The following GLI3 variants were observed in gnomAD, a reference collection of about 807,000 sequenced individuals.
GLI3 encodes the protein transcription activator GLI3.
In GLI3, 20 loss-of-function variants were observed where a neutral mutation model predicts 100.8. The observed-to-expected ratio is 0.20, with a 90% CI of 0.14 to 0.29. The LOEUF (loss-of-function observed/expected upper bound fraction) is 0.29, where lower values mean the gene tolerates loss of function less well. GLI3 is among the 10% of genes least tolerant of loss of function. The pLI is 1.00. For missense variants in GLI3, 2,040 were observed against 2,128.5 expected, an observed-to-expected ratio of 0.96 and a Z score of 0.82; for synonymous variants, 938 against 860.5, an observed-to-expected ratio of 1.09 and a Z score of -1.58.
chr7:42,023,229 A>AAACAC (rs1788993714), intron 10 of GLI3, among the ~76,000 whole-genome samples: 2 of 152,230 alleles, frequency 1.3e-5, no homozygotes, highest in Non-Finnish European at 2.9e-5. Context: ...GGCTTACAGG[A>AAACAC]TCAGAGTCAT....
intron 2 of GLI3, among the ~76,000 whole-genome samples, chr7:42,186,611 T>C (rs1442108831): frequency 2.6e-5 from 4 of 152,206 alleles, no homozygotes; most frequent in African/African-American, 9.6e-5. Context: ...AACTGCACTA[T>C]GGAACGCAAA....
rs1233978372 is a variant in GLI3, at chr7:42,218,702, A to G, written c.124+4428T>C. On this transcript the variant is annotated intron_variant, in intron 2 of 14. Transcript: ENST00000395925. ...ACAGGGAACTTCCTTTGCATCATTA[A>G]TCTATCAACTTTGGTTTCACATTGC... Among the ~76,000 whole-genome samples, 5 of 152,294 alleles carry G rather than the reference A, an allele frequency of 3.3e-5. No homozygotes were observed. The East Asian group carries it at 7.8e-4, about 24-fold the overall frequency.
At chr7:42,051,680 A>C (rs2128743715) in intron 4 of GLI3, among the ~76,000 whole-genome samples, 2 of 152,322 alleles carry the variant, frequency 1.3e-5, no homozygotes, top group Admixed American at 1.3e-4. Flanking sequence ...TTTTGTTAGC[A>C]GACTTTGTTT....
chr7:42,187,203 C>A (rs572939701), intron 2 of GLI3, among the ~76,000 whole-genome samples: 1 of 129,158 alleles, frequency 7.7e-6, no homozygotes, highest in Non-Finnish European at 1.7e-5. Flanking sequence ...AGAGTGAGAC[C>A]CTGTCTCAAA....
intron 4 of GLI3, among the ~76,000 whole-genome samples, chr7:42,050,339 A>G (rs1442433028): frequency 6.6e-6 from 1 of 152,242 alleles, no homozygotes; most frequent in Non-Finnish European, 1.5e-5. Flanking sequence ...ACACCCAATC[A>G]GAAATTAGTA....
chr7:42,189,281 A>G (rs898567929), intron 2 of GLI3, among the ~76,000 whole-genome samples: 1 of 152,236 alleles, frequency 6.6e-6, no homozygotes, highest in African/African-American at 2.4e-5. Flanking sequence ...TAGAACAATC[A>G]TCAATCAAGA....
intron 7 of GLI3, among the ~76,000 whole-genome samples, chr7:42,028,998 A>T (rs1219437126): frequency 6.6e-6 from 1 of 152,176 alleles, no homozygotes; most frequent in African/African-American, 2.4e-5. Flanking sequence ...AGGTGACGGG[A>T]ATAAATGTTC....
chr7:42,198,322 G>T (rs549032803), intron 2 of GLI3, among the ~76,000 whole-genome samples: 1 of 152,212 alleles, frequency 6.6e-6, no homozygotes, highest in South Asian at 2.1e-4. Context: ...GAAGCCCTGG[G>T]CCAGGGCAGG....
chr7:41,992,374 T>G (rs1788010806), intron 10 of GLI3, among the ~76,000 whole-genome samples: 1 of 152,178 alleles, frequency 6.6e-6, no homozygotes. Context: ...TACCCTTCTG[T>G]GTGGAACATA....
intron 13 of GLI3, among the ~76,000 whole-genome samples, chr7:41,971,854 C>A (rs1787371920): frequency 6.6e-6 from 1 of 152,200 alleles, no homozygotes; most frequent in Non-Finnish European, 1.5e-5. Flanking sequence ...GACCGGCAGT[C>A]CGTCCCTCTC....
intron 14 of GLI3, 91 bp downstream of exon 14, chr7:41,967,505 G>A (rs551903518): frequency 1.1e-6 from 1 of 897,936 alleles, no homozygotes; most frequent in African/African-American, 1.7e-5. Context: ...AGGACTGGTG[G>A]AGAAACTAGC....
intron 3 of GLI3, among the ~76,000 whole-genome samples, chr7:42,088,011 G>A (rs563140818): frequency 6.6e-6 from 1 of 152,274 alleles, no homozygotes; most frequent in East Asian, 1.9e-4. Context: ...GCAAGGAAAT[G>A]ATAGAAAAGG....
chr7:42,120,924 T>C (rs1286622645), intron 3 of GLI3, among the ~76,000 whole-genome samples: 11 of 152,224 alleles, frequency 7.2e-5, no homozygotes, highest in Admixed American at 7.2e-4. Flanking sequence ...AATAGGCACA[T>C]GTTCATGGGA....
In GLI3 at chr7:42,023,695, C is replaced by T. The variant is rs1354710500; in HGVS notation, c.1357-87G>A. 3 of 1,285,898 alleles carry T rather than the reference C, an allele frequency of 2.3e-6. No individual in the cohort carries two copies. The African/African-American group carries it at 4.4e-5, about 19-fold the overall frequency. The allele number at this position is 1,285,898 out of a possible 1,614,324, so 79.7% of individuals were successfully genotyped here. A position where few individuals can be genotyped will look rare whatever the true frequency, so the allele number is the denominator to read the frequency against. On this transcript the variant is annotated intron_variant, in intron 9 of 14. Coordinates refer to ENST00000395925, the MANE Select transcript of GLI3 (RefSeq NM_000168.6). ...GGAAGACAAGAAGAGAAAGTAAAAA[C>T]CCAATTTAGATTTGGGTCTAGGGTT...
Position 42,149,909 on chromosome 7 carries a change from A to G in GLI3, c.125-1441T>C, listed in dbSNP as rs571566020. 4.6e-5 allele frequency: 7 copies of G among 152,368 alleles called. No individual in the cohort carries two copies. In the South Asian group the frequency reaches 1.4e-3, roughly 32 times the overall value. 9.4% of individuals were successfully genotyped at this position (152,368 alleles called of 1,614,324 possible). A position where few individuals can be genotyped will look rare whatever the true frequency, so the allele number is the denominator to read the frequency against. On this transcript the variant is annotated intron_variant, in intron 2 of 14. Coordinates refer to ENST00000395925, the MANE Select transcript of GLI3 (RefSeq NM_000168.6). ...ACTTGCATAAAAATACAAACCGAAA[A>G]TAACAAATACTATTTATGTTGACTC...
chr7:42,204,487 T>A (rs1385782840), intron 2 of GLI3, among the ~76,000 whole-genome samples: 1 of 152,258 alleles, frequency 6.6e-6, no homozygotes, highest in Non-Finnish European at 1.5e-5. Flanking sequence ...ATAAGTGTAC[T>A]GAATTTTGCT....
intron 2 of GLI3, among the ~76,000 whole-genome samples, chr7:42,219,445 A>T (rs1788439705): frequency 6.6e-6 from 1 of 152,004 alleles, no homozygotes. Context: ...GTCATACAAG[A>T]TCTACAACAC....
At position 41,972,287 on chromosome 7, in the gene GLI3, C is replaced by T. The variant is rs766991329; in HGVS notation, c.2103+50G>A. On this transcript the variant is annotated intron_variant, in intron 13 of 14. Transcript: ENST00000395925. The surrounding 1 kb of genome is among the most constrained non-coding windows in gnomAD (Gnocchi z 4.4). The stretch of plus-strand genomic sequence containing the variant: ...CTGTCCCTCTATGCACCCTACCTGG[C>T]TCTTTTAAATGGGCCTGCTGTGAAG... The T allele has an allele frequency of 6.4e-7, 1 of 1,559,486 alleles. No individual in the cohort carries two copies. Among genetic ancestry groups the T allele is most frequent in the East Asian group, 2.2e-5 (1 of 44,656 alleles).
chr7:41,990,894 G>A (rs1787968617), intron 10 of GLI3, among the ~76,000 whole-genome samples: 2 of 151,142 alleles, frequency 1.3e-5, no homozygotes, highest in African/African-American at 2.4e-5. Flanking sequence ...GTGTGTGTGT[G>A]TGTGTGTAGA....
Sources: allele counts gnomAD v4.1 joint callset (sites outside exome capture counted in the v4.1 genomes callset), GRCh38; gene constraint gnomAD v4.1.1; non-coding constraint Gnocchi (gnomAD v3.1); transcripts MANE v1.5; gene names NCBI Gene and HGNC (gene_info 2026-07-23, HGNC 2026-07-21).